Variants in NEGR1 observed in about 807,000 individuals in gnomAD.
The protein encoded by NEGR1 is IgLON family member 4.
In NEGR1, 10 loss-of-function variants were observed where a neutral mutation model predicts 40.9. The observed-to-expected ratio is 0.24, with a 90% CI of 0.15 to 0.42. The LOEUF is 0.42. NEGR1 is among the 10% of genes least tolerant of loss of function. The pLI is 1.00. For synonymous variants in NEGR1, 185 were observed against 166.8 expected (o/e 1.11, Z -0.84); for missense variants, 352 against 438.9 (o/e 0.80, Z 1.77).
chr1:71,519,771 C>T (rs1420161810), intron 6 of NEGR1, among the ~76,000 whole-genome samples: 1 of 148,970 alleles, frequency 6.7e-6, no homozygotes, highest in Non-Finnish European at 1.5e-5. Flanking sequence ...AAAGATCACA[C>T]AGCAAGTGAA....
chr1:71,943,013 TATGTGTATATATATACACACATAC>T (rs1645983177), intron 1 of NEGR1, among the ~76,000 whole-genome samples: 1 of 135,156 alleles, frequency 7.4e-6, no homozygotes, highest in African/African-American at 2.7e-5. Context: ...TGTATATATA[TATGTGTATATATATACACACATAC>T]ATATATATGT....
chr1:72,149,340 T>A lies in NEGR1; in HGVS notation c.176+132979A>T, dbSNP rs191595720. Among the ~76,000 whole-genome samples the A allele has an allele frequency of 1.6e-4, 25 of 152,262 alleles. No individual in the cohort carries two copies. The East Asian group carries it at 4.2e-3, about 26-fold the overall frequency. ...CACTACATGTGGGAATTCTGGGAGA[T>A]ATAATTCAAGTTTAGATTTGGGTGG... is the stretch of plus-strand genomic sequence containing the variant. On this transcript the variant is annotated intron_variant, in intron 1 of 6. Transcript: ENST00000357731.
At chr1:71,508,018 C>G (rs1647046736) in intron 6 of NEGR1, among the ~76,000 whole-genome samples, 1 of 152,150 alleles carries the variant, frequency 6.6e-6, no homozygotes, top group Admixed American at 6.5e-5. Flanking sequence ...CACAGTTGGG[C>G]AGAGCTACAA....
chr1:71,588,941 TA>T (rs2101515972), intron 6 of NEGR1, among the ~76,000 whole-genome samples: 1 of 152,292 alleles, frequency 6.6e-6, no homozygotes, highest in South Asian at 2.1e-4. Flanking sequence ...GACCAGCAGC[TA>T]GACATAAAGG....
intron 6 of NEGR1, among the ~76,000 whole-genome samples, chr1:71,453,864 C>T (rs1237304987): frequency 1.3e-5 from 2 of 152,090 alleles, no homozygotes; most frequent in African/African-American, 4.8e-5. Flanking sequence ...TGGAGAAAGC[C>T]CTACACTCAG....
At chr1:71,414,655 G>C (rs750223227) in intron 6 of NEGR1, among the ~76,000 whole-genome samples, 2 of 152,160 alleles carry the variant, frequency 1.3e-5, no homozygotes, top group Non-Finnish European at 2.9e-5. Context: ...GTTGCACAGC[G>C]ATTTCTAGGA....
intron 4 of NEGR1, among the ~76,000 whole-genome samples, chr1:71,646,460 T>C (rs1011815847): frequency 2.6e-5 from 4 of 151,824 alleles, no homozygotes; most frequent in African/African-American, 9.7e-5. Context: ...AAGAAATTAA[T>C]TGATTATTTT....
At chr1:71,815,982 C>G (rs1456351364) in intron 2 of NEGR1, among the ~76,000 whole-genome samples, 1 of 152,072 alleles carries the variant, frequency 6.6e-6, no homozygotes, top group Non-Finnish European at 1.5e-5. Context: ...ATGTCCTTAA[C>G]TTGCTTTTTA....
intron 2 of NEGR1, among the ~76,000 whole-genome samples, chr1:71,932,082 C>T (rs1296586721): frequency 6.6e-6 from 1 of 152,002 alleles, no homozygotes; most frequent in Non-Finnish European, 1.5e-5. Flanking sequence ...TTCATAAATA[C>T]ATAGGTTGCT....
At chr1:71,412,015 A>G (rs1270087799) in intron 6 of NEGR1, among the ~76,000 whole-genome samples, 2 of 152,028 alleles carry the variant, frequency 1.3e-5, no homozygotes, top group Non-Finnish European at 2.9e-5. Flanking sequence ...AAAAAAGTAA[A>G]GCCTATCCTA....
chr1:71,933,175 G>C (rs764574968), intron 2 of NEGR1, among the ~76,000 whole-genome samples: 18 of 151,742 alleles, frequency 1.2e-4, no homozygotes, highest in African/African-American at 1.7e-4. Context: ...CTAATGACCA[G>C]CAAAAAAGAG....
intron 2 of NEGR1, among the ~76,000 whole-genome samples, chr1:71,858,350 A>G (rs1391977745): frequency 2.0e-5 from 3 of 152,058 alleles, no homozygotes; most frequent in Non-Finnish European, 4.4e-5. Context: ...AAAAGCCACT[A>G]TGGTTTTTGC....
At chr1:71,708,507 A>G (rs1365466299) in intron 3 of NEGR1, among the ~76,000 whole-genome samples, 1 of 152,154 alleles carries the variant, frequency 6.6e-6, no homozygotes, top group Admixed American at 6.5e-5. Flanking sequence ...CAAATCTAAA[A>G]TTTATATGGA....
In NEGR1 at chr1:71,446,215, G is replaced by A. The variant is rs149078664; in HGVS notation, c.941-38645C>T. Among the ~76,000 whole-genome samples, 225 of 152,190 alleles carry A rather than the reference G, an allele frequency of 1.5e-3. 1 individual carries two copies. Among genetic ancestry groups the A allele is most frequent in the African/African-American group, 5.0e-3 (206 of 41,544 alleles). ...CTCATTTGAGACGAACTCATTGGAA[G>A]TCACTTAACAGAAAACCATGAAGAA... On this transcript the variant is annotated intron_variant, in intron 6 of 6. Transcript: ENST00000357731.
chr1:71,644,343 A>G (rs1267295541), intron 4 of NEGR1, among the ~76,000 whole-genome samples: 1 of 151,924 alleles, frequency 6.6e-6, no homozygotes, highest in African/African-American at 2.4e-5. Flanking sequence ...CCTACACTGA[A>G]AACACCATTA....
chr1:71,864,617 C>G (rs1388020817), intron 2 of NEGR1, among the ~76,000 whole-genome samples: 2 of 151,978 alleles, frequency 1.3e-5, no homozygotes, highest in Non-Finnish European at 2.9e-5. Flanking sequence ...TTCAAAGCAC[C>G]TTCATCTGAC....
chr1:72,201,285 T>C (rs1653194167), intron 1 of NEGR1, among the ~76,000 whole-genome samples: 1 of 151,110 alleles, frequency 6.6e-6, no homozygotes, highest in Non-Finnish European at 1.5e-5. Flanking sequence ...GCTTCACTAG[T>C]ATAATATAAA....
rs1646258757 is a variant in NEGR1, at chr1:71,403,522, AAAC to A, written c.*3921_*3923del. 1 of 185,698 alleles carries A rather than the reference AAAC, an allele frequency of 5.4e-6. No homozygotes were observed. The highest frequency in any genetic ancestry group is 2.3e-5 in the African/African-American group (1 of 43,198). 11.5% of individuals were successfully genotyped at this position (185,698 alleles called of 1,614,324 possible). ...TAGTTTAGATGTAGTTCAGCTCATC[AAAC>A]CTTTTAGGAATCAGCAACAGCAAGA... On this transcript the variant is annotated 3_prime_UTR_variant, in exon 7 of 7. Coordinates refer to ENST00000357731, the MANE Select transcript of NEGR1 (RefSeq NM_173808.3).
At chr1:72,161,255 G>A (rs143873562) in intron 1 of NEGR1, among the ~76,000 whole-genome samples, 18 of 152,288 alleles carry the variant, frequency 1.2e-4, no homozygotes, top group African/African-American at 4.1e-4. Flanking sequence ...GTGGTGGACA[G>A]GTGCGAGATG....
Sources: gnomAD v4.1 joint callset for allele counts (sites outside exome capture counted in the v4.1 genomes callset) on GRCh38, gnomAD v4.1.1 for gene constraint, MANE v1.5 for transcripts, NCBI Gene and HGNC (gene_info 2026-07-23, HGNC 2026-07-21) for gene names.